SYNE1: variants seen among roughly 807,000 people sequenced by gnomAD.
SYNE1 encodes spectrin repeat containing nuclear envelope protein 1.
A neutral mutation model predicts 1,111.0 loss-of-function variants in SYNE1; 616 were observed. The ratio of observed to expected loss-of-function variants is 0.55; its 90% CI spans 0.52 to 0.59. The LOEUF (loss-of-function observed/expected upper bound fraction) is 0.59. SYNE1 is among the 20% of genes least tolerant of loss of function. SYNE1 has a pLI of 0.00. For missense variants in SYNE1, 10,006 were observed against 10,417.0 expected (o/e 0.96, Z 1.72); for synonymous variants, 3,855 against 3,825.8 (o/e 1.01, Z -0.28).
At chr6:152,363,899 C>A (rs1324879795) in intron 63 of SYNE1, 1 of 361,700 alleles carries the variant, frequency 2.8e-6, no homozygotes, top group Admixed American at 3.4e-5. Context: ...CATTGCCTGA[C>A]TGGATTAAGT....
chr6:152,123,929 T>A (rs11754998), intron 145 of SYNE1, among the ~76,000 whole-genome samples: 15,480 of 152,226 alleles, frequency 0.1, 1,020 homozygotes, highest in Non-Finnish European at 0.14. Flanking sequence ...CGGTGGGGGA[T>A]GCGGAGTGAC....
intron 61 of SYNE1, 91 bp downstream of exon 61, chr6:152,368,881 C>G: frequency 1.3e-6 from 2 of 1,565,404 alleles, no homozygotes; most frequent in Non-Finnish European, 1.8e-6. Flanking sequence ...GTGGGCGGGT[C>G]AGGATGCAAT....
Position 152,447,445 on chromosome 6 carries a change from G to A in SYNE1, c.3669+13C>T. 1.2e-6 allele frequency: 2 copies of A among 1,614,048 alleles called. No individual in the cohort carries two copies. Among genetic ancestry groups the A allele is most frequent in the African/African-American group, 1.3e-5 (1 of 75,054 alleles). ...TCAGAACTGTCTGTTTAGAGTGTGAGTAAATGCTGTACCTCTGACAGCAGC... is the reference window on the plus strand; with the variant it reads ...TCAGAACTGTCTGTTTAGAGTGTGAATAAATGCTGTACCTCTGACAGCAGC... On this transcript the variant is annotated intron_variant, in intron 29 of 145. Coordinates refer to ENST00000367255, the MANE Select transcript of SYNE1 (RefSeq NM_182961.4).
rs867293899 is a variant in SYNE1 at position 152,352,210 on chromosome 6, T to C, written c.11397A>G (p.Glu3799=). ...GTTCTTTCCGGACAGTGCTGGTCAG[T>C]TCCTTCAACTGCTCCATGTGATCAT... ...EIHDHMEQLK[E]LTSTVRKEHM... The change falls in exon 70 of 146, where the codon GAA becomes GAG. Residue 3799 remains glutamate (E), a synonymous_variant. Transcript: ENST00000367255. 1 of 1,614,192 alleles carries C rather than the reference T, an allele frequency of 6.2e-7. No homozygotes were observed. Among genetic ancestry groups the C allele is most frequent in the Middle Eastern group, 1.6e-4 (1 of 6,062 alleles).
intron 3 of SYNE1, among the ~76,000 whole-genome samples, chr6:152,627,613 T>C (rs2623985): frequency 0.68 from 102,791 of 151,966 alleles, 34,857 homozygotes; most frequent in Non-Finnish European, 0.71. Flanking sequence ...GCCGAGATAG[T>C]GCTACTGCCC....
At chr6:152,426,868 C>T (rs982424616) in intron 38 of SYNE1, among the ~76,000 whole-genome samples, 15 of 152,146 alleles carry the variant, frequency 9.9e-5, no homozygotes, top group South Asian at 6.2e-4. Flanking sequence ...CCACAGATTC[C>T]GATGCTATAG....
chr6:152,266,876 T>G (rs901862227), intron 100 of SYNE1, among the ~76,000 whole-genome samples: 3 of 152,194 alleles, frequency 2.0e-5, no homozygotes, highest in Non-Finnish European at 2.9e-5. Flanking sequence ...ACGTCATATG[T>G]CAGCACTGAT....
chr6:152,176,395 T>C lies in SYNE1; in HGVS notation c.23626A>G (p.Arg7876Gly), dbSNP rs1468022666. 3 of 1,614,032 alleles carry C rather than the reference T, an allele frequency of 1.9e-6. No homozygotes were observed. Among genetic ancestry groups the C allele is most frequent in the South Asian group, 2.2e-5 (2 of 91,080 alleles). The stretch of plus-strand genomic sequence containing the variant: ...CCTATTGACTCAGGTCCTCTTTACC[T>C]GGCTGCAATGAGGTCCAGGAGATGC... ...WQHLLDLIAA[R>G]VKKLKETLVA... is the part of the protein sequence containing the mutation. Residue 7876 changes from arginine to glycine, a missense_variant and splice_region_variant, in exon 130 of 146, where the codon AGG (arginine) becomes GGG (glycine). Physicochemically the swap from Arg to Gly is moderately radical, Grantham distance 125. Coordinates refer to ENST00000367255, the MANE Select transcript of SYNE1 (RefSeq NM_182961.4).
chr6:152,573,912 C>T (rs1191989874), intron 3 of SYNE1, among the ~76,000 whole-genome samples: 1 of 152,106 alleles, frequency 6.6e-6, no homozygotes, highest in Non-Finnish European at 1.5e-5. Context: ...AGCATCAAAG[C>T]TCTGCTTCAC....
chr6:152,314,831 G>C (rs1258676151), intron 87 of SYNE1, among the ~76,000 whole-genome samples: 1 of 150,152 alleles, frequency 6.7e-6, no homozygotes, highest in Non-Finnish European at 1.5e-5. Context: ...CGTGCCTGTA[G>C]TTCCAGCTAT....
chr6:152,190,929 T>C (rs1287150722), intron 127 of SYNE1, among the ~76,000 whole-genome samples: 1 of 152,264 alleles, frequency 6.6e-6, no homozygotes, highest in Middle Eastern at 3.2e-3. Context: ...ATATGGCTTT[T>C]ATTATGTTGA....
At chr6:152,234,321 C>T (rs896752476) in intron 111 of SYNE1, among the ~76,000 whole-genome samples, 7 of 151,608 alleles carry the variant, frequency 4.6e-5, no homozygotes, top group African/African-American at 1.7e-4. Flanking sequence ...TAGATGGAGT[C>T]GCTCGCTCTG....
At chr6:152,545,186 C>T (rs2099303448) in intron 3 of SYNE1, among the ~76,000 whole-genome samples, 1 of 152,028 alleles carries the variant, frequency 6.6e-6, no homozygotes, top group Admixed American at 6.6e-5. Context: ...CATAATAATG[C>T]ATAATGTATT....
chr6:152,389,391 T>C (rs1403093092), intron 53 of SYNE1, among the ~76,000 whole-genome samples: 1 of 152,134 alleles, frequency 6.6e-6, no homozygotes, highest in Admixed American at 6.5e-5. Flanking sequence ...GTGTCTGTTA[T>C]CCCCTTCTTT....
At chr6:152,122,803 C>T (rs1384146452) in intron 145 of SYNE1, 127 bp from the exon 146 acceptor site, 2 of 1,453,362 alleles carry the variant, frequency 1.4e-6, no homozygotes, top group Non-Finnish European at 1.9e-6. Flanking sequence ...CGATCAGCTG[C>T]CAGCCTTCCA....
intron 145 of SYNE1, among the ~76,000 whole-genome samples, chr6:152,122,897 A>G (rs2051828097): frequency 6.6e-6 from 1 of 152,188 alleles, no homozygotes; most frequent in Non-Finnish European, 1.5e-5. Flanking sequence ...TCAGTCAACT[A>G]AACGTAAGTA....
At chr6:152,170,973 T>C (rs2065058206) in intron 130 of SYNE1, among the ~76,000 whole-genome samples, 1 of 152,072 alleles carries the variant, frequency 6.6e-6, no homozygotes, top group Non-Finnish European at 1.5e-5. Context: ...TTATAAGGGG[T>C]TTCCCCTTTT....
In SYNE1 at chr6:152,176,480, G is replaced by T. The variant is rs1205391145; in HGVS notation, c.23541C>A (p.Ser7847Arg). The T allele has an allele frequency of 6.2e-7, 1 of 1,614,106 alleles. No homozygotes were observed. The highest frequency in any genetic ancestry group is 8.5e-7 in the Non-Finnish European group (1 of 1,180,012). Residue 7847 changes from serine to arginine, a missense_variant, in exon 130 of 146, where the codon AGC (serine) becomes AGA (arginine). Around this residue, in one of 7 missense-constraint regions of SYNE1, gnomAD observed 2,182 missense variants for 2,287.8 expected, o/e 0.95. Transcript: ENST00000367255. ...QQMGERLAKA[S>R]HESKASEIEY... ...CAATCTCAGATGCTTTGCTTTCATGGCTGGCTTTAGCAAGTCGTTCTCCCA... is the reference window on the plus strand; with the variant it reads ...CAATCTCAGATGCTTTGCTTTCATGTCTGGCTTTAGCAAGTCGTTCTCCCA...
At chr6:152,224,111 T>A (rs1208044899) in intron 117 of SYNE1, among the ~76,000 whole-genome samples, 4 of 152,232 alleles carry the variant, frequency 2.6e-5, no homozygotes, top group African/African-American at 9.6e-5. Flanking sequence ...TTTGCCGTTT[T>A]TCTCTGTGTT....
Sources: gnomAD v4.1 joint callset for allele counts (sites outside exome capture counted in the v4.1 genomes callset) on GRCh38, gnomAD v4.1.1 for gene constraint, gnomAD v4.1.1 regional missense constraint, MANE v1.5 for transcripts, NCBI Gene and HGNC (gene_info 2026-07-23, HGNC 2026-07-21) for gene names.